KLF16: variants seen among roughly 807,000 people sequenced by gnomAD.
The protein encoded by KLF16 is KLF transcription factor 16.
In KLF16, 6 loss-of-function variants were observed where a neutral mutation model predicts 6.1. The ratio of observed to expected loss-of-function variants is 0.98; its 90% CI spans 0.54 to 1.93. The LOEUF is 1.93. Ranked by LOEUF, KLF16 falls within the 30% of genes most tolerant of loss-of-function variation. The pLI, the probability that KLF16 is intolerant of heterozygous loss-of-function variation, is 0.01. For synonymous variants in KLF16, 211 were observed against 176.5 expected, an observed-to-expected ratio of 1.20 and a Z score of -1.55; for missense variants, 355 against 363.8, an observed-to-expected ratio of 0.98 and a Z score of 0.20.
At chr19:1,863,000 G>T (rs1178420749) in intron 1 of KLF16, 41 bp downstream of exon 1, 1 of 1,226,394 alleles carries the variant, frequency 8.2e-7, no homozygotes, top group Admixed American at 3.2e-5. Flanking sequence ...GGGGTCTCAG[G>T]CGGCCGCCCC....
At chr19:1,870,144 C>A in the KLF16 span, among the ~76,000 whole-genome samples, 2 of 150,092 alleles carry the variant, frequency 1.3e-5, no homozygotes, top group Admixed American at 6.6e-5. Flanking sequence ...ATTGGCCAGG[C>A]TGGTCTCGAA....
At position 1,854,292 on chromosome 19, in the gene KLF16, G is replaced by T; in HGVS notation, c.*167C>A. On this transcript the variant is annotated 3_prime_UTR_variant, in exon 2 of 2. Coordinates refer to ENST00000250916, the MANE Select transcript of KLF16 (RefSeq NM_031918.4). ...ATCCTGAGAGCCACCTCTGAGGTCAGGCAGACCCAGGTCCAGTCTCAGGCC... is the reference window on the plus strand; with the variant it reads ...ATCCTGAGAGCCACCTCTGAGGTCATGCAGACCCAGGTCCAGTCTCAGGCC... 2.5e-6 allele frequency: 2 copies of T among 798,944 alleles called. No homozygotes were observed. Among genetic ancestry groups the T allele is most frequent in the Non-Finnish European group, 3.5e-6 (2 of 567,568 alleles). The allele number at this position is 798,944 out of a possible 1,614,324, so 49.5% of individuals were successfully genotyped here.
At chr19:1,870,283 A>T in the KLF16 span, among the ~76,000 whole-genome samples, 2 of 152,082 alleles carry the variant, frequency 1.3e-5, no homozygotes, top group Non-Finnish European at 2.9e-5. Flanking sequence ...GACTGGACTG[A>T]ATAATAATAA....
rs113640831 is a variant in KLF16 at position 1,854,024 on chromosome 19, C to T, written c.*435G>A. 3.8e-3 allele frequency: 623 copies of T among 163,500 alleles called. 10 individuals are homozygous for T. The highest frequency in any genetic ancestry group is 0.014 in the African/African-American group (589 of 41,994). 10.1% of individuals were successfully genotyped at this position (163,500 alleles called of 1,614,324 possible). ...GAGAGGCAGGGGCCGTGTCAACCCC[C>T]GACTCCTCTATGGCTGTCTGAACAC... On this transcript the variant is annotated 3_prime_UTR_variant, in exon 2 of 2. Coordinates refer to ENST00000250916, the MANE Select transcript of KLF16 (RefSeq NM_031918.4).
At chr19:1,862,731 C>G (rs1038376370) in intron 1 of KLF16, 9 of 345,834 alleles carry the variant, frequency 2.6e-5, no homozygotes, top group African/African-American at 2.0e-4. Context: ...AAAAAAAAAA[C>G]GGAACAAGGC....
upstream of KLF16, among the ~76,000 whole-genome samples, chr19:1,867,084 T>TG (rs2012199677): frequency 6.6e-6 from 1 of 152,152 alleles, no homozygotes; most frequent in Non-Finnish European, 1.5e-5. Flanking sequence ...ACCCAGGTGT[T>TG]GCTGGGAGTG....
At chr19:1,866,914 CTTCT>C (rs1046627603), upstream of KLF16, among the ~76,000 whole-genome samples, 30 of 152,292 alleles carry the variant, frequency 2.0e-4, no homozygotes, top group Admixed American at 5.9e-4. Context: ...AACTCAGCCC[CTTCT>C]TTCTTCAAAC....
the KLF16 span, among the ~76,000 whole-genome samples, chr19:1,870,873 G>A: frequency 9.2e-5 from 14 of 152,262 alleles, no homozygotes; most frequent in East Asian, 1.4e-3. Context: ...GCACGCGCCC[G>A]TAATCCCAGC....
Position 1,854,240 on chromosome 19 carries a change from A to G in KLF16, c.*219T>C, listed in dbSNP as rs927026535. 14 of 483,352 alleles carry G rather than the reference A, an allele frequency of 2.9e-5. No individual in the cohort carries two copies. Among genetic ancestry groups the G allele is most frequent in the Non-Finnish European group, 4.4e-5 (13 of 294,036 alleles). The allele number at this position is 483,352 out of a possible 1,614,324, so 29.9% of individuals were successfully genotyped here. On this transcript the variant is annotated 3_prime_UTR_variant, in exon 2 of 2. Coordinates refer to ENST00000250916, the MANE Select transcript of KLF16 (RefSeq NM_031918.4). ...TGGGAAGAAAGTTAGTATCATGGCTATTTACAGACACAAGCCCCCGTCACC... is the reference window on the plus strand; with the variant it reads ...TGGGAAGAAAGTTAGTATCATGGCTGTTTACAGACACAAGCCCCCGTCACC...
rs1414428412 is a variant in KLF16 at position 1,857,373 on chromosome 19, T to C, written c.458-2613A>G. ...AGCCACCCAGCTGCTCCGCGCTACC[T>C]GGCCGAGACGCAGCGCCCTGAGGAT... On this transcript the variant is annotated intron_variant, in intron 1 of 1. Coordinates refer to ENST00000250916, the MANE Select transcript of KLF16 (RefSeq NM_031918.4). The surrounding 1 kb of genome is among the most constrained non-coding windows in gnomAD (Gnocchi z 4.7). Among the ~76,000 whole-genome samples the C allele has an allele frequency of 6.6e-6, 1 of 152,148 alleles. No individual in the cohort carries two copies. Among genetic ancestry groups the C allele is most frequent in the Non-Finnish European group, 1.5e-5 (1 of 68,016 alleles).
intron 1 of KLF16, chr19:1,860,266 G>C (rs1217191363): frequency 6.6e-6 from 1 of 152,218 alleles, no homozygotes; most frequent in Non-Finnish European, 1.5e-5. Flanking sequence ...AGCTTCCAAA[G>C]TCCTTCCCCG....
At chr19:1,871,938 G>A in the KLF16 span, among the ~76,000 whole-genome samples, 16 of 152,190 alleles carry the variant, frequency 1.1e-4, 1 homozygote, top group African/African-American at 2.7e-4. Context: ...TTCCTTTCCC[G>A]TGCGAATCCC....
At chr19:1,870,129 T>A in the KLF16 span, among the ~76,000 whole-genome samples, 1 of 150,782 alleles carries the variant, frequency 6.6e-6, no homozygotes, top group Non-Finnish European at 1.5e-5. Flanking sequence ...ACGGGGTTTC[T>A]CCACATTGGC....
upstream of KLF16, among the ~76,000 whole-genome samples, chr19:1,867,610 A>T (rs1384230273): frequency 6.6e-6 from 1 of 152,194 alleles, no homozygotes; most frequent in African/African-American, 2.4e-5. Flanking sequence ...TGATGCCTGT[A>T]ATCTCAGCAC....
rs1203743131 is a variant in KLF16 at position 1,857,314 on chromosome 19, C to T, written c.458-2554G>A. Reference sequence around the variant, plus strand: ...GGTGAACTTGTGGGGGCCCAGAGCGCGCTGCTCCTAGCCAGCCGGGCCCCC... The same window carrying T: ...GGTGAACTTGTGGGGGCCCAGAGCGTGCTGCTCCTAGCCAGCCGGGCCCCC... On this transcript the variant is annotated intron_variant, in intron 1 of 1. Coordinates refer to ENST00000250916, the MANE Select transcript of KLF16 (RefSeq NM_031918.4). The surrounding 1 kb of genome is among the most constrained non-coding windows in gnomAD (Gnocchi z 4.7). 1.3e-5 allele frequency among the ~76,000 whole-genome samples: 2 copies of T among 152,180 alleles called. No individual in the cohort carries two copies. The highest frequency in any genetic ancestry group is 2.9e-5 in the Non-Finnish European group (2 of 68,026).
At chr19:1,859,132 C>T (rs924890480) in intron 1 of KLF16, among the ~76,000 whole-genome samples, 1 of 151,510 alleles carries the variant, frequency 6.6e-6, no homozygotes, top group Non-Finnish European at 1.5e-5. Flanking sequence ...CCCAGATAAG[C>T]TGCCAGTTCT....
rs970169968 is a variant in KLF16 at position 1,855,521 on chromosome 19, C to T, written c.458-761G>A. On this transcript the variant is annotated intron_variant, in intron 1 of 1. Coordinates refer to ENST00000250916, the MANE Select transcript of KLF16 (RefSeq NM_031918.4). ...CGCTGGGCAGGGGCGGGCCACCACC[C>T]GGCCACTTCCTCCACAGTCCCCTCC... Among the ~76,000 whole-genome samples, 7 of 152,186 alleles carry T rather than the reference C, an allele frequency of 4.6e-5. No individual in the cohort carries two copies. The East Asian group carries it at 9.6e-4, about 21-fold the overall frequency.
the KLF16 span, chr19:1,875,077 T>A: frequency 6.6e-6 from 1 of 152,266 alleles, no homozygotes; most frequent in Non-Finnish European, 1.5e-5. Context: ...TGGGCAAGGG[T>A]GTCGCCGGCC....
At chr19:1,855,701 T>G (rs1394063756) in intron 1 of KLF16, among the ~76,000 whole-genome samples, 1 of 152,204 alleles carries the variant, frequency 6.6e-6, no homozygotes, top group African/African-American at 2.4e-5. Context: ...GCATGTGGCA[T>G]CGTGATGTCA....
Sources: gnomAD v4.1 joint callset for allele counts (sites outside exome capture counted in the v4.1 genomes callset) on GRCh38, gnomAD v4.1.1 for gene constraint, Gnocchi (gnomAD v3.1) non-coding constraint, MANE v1.5 for transcripts, NCBI Gene and HGNC (gene_info 2026-07-23, HGNC 2026-07-21) for gene names.